SHPRH: variants seen among roughly 807,000 people sequenced by gnomAD.
SHPRH encodes the protein SNF2 histone linker PHD RING helicase.
A neutral mutation model predicts 202.5 loss-of-function variants in SHPRH; 106 were observed. The ratio of observed to expected loss-of-function variants is 0.52; its 90% CI spans 0.45 to 0.62. SHPRH has a LOEUF of 0.62. Ranked by LOEUF, SHPRH falls within the 20% of genes least tolerant of loss-of-function variation. SHPRH has a pLI of 0.00. For synonymous variants in SHPRH, 729 were observed against 686.0 expected, an observed-to-expected ratio of 1.06 and a Z score of -0.98; for missense variants, 1,710 against 2,020.0, an observed-to-expected ratio of 0.85 and a Z score of 2.94.
At chr6:145,923,861 G>A (rs1271167838) in intron 17 of SHPRH, 76 bp from the exon 18 acceptor site, 1 of 1,448,102 alleles carries the variant, frequency 6.9e-7, no homozygotes, top group East Asian at 2.3e-5. Context: ...TGGGCAGGGT[G>A]ATGCCAAAAT....
intron 11 of SHPRH, among the ~76,000 whole-genome samples, 195 bp downstream of exon 11, chr6:145,940,528 T>C (rs777765541): frequency 1.3e-5 from 2 of 152,104 alleles, no homozygotes; most frequent in Non-Finnish European, 2.9e-5. Flanking sequence ...ATATCGGTCC[T>C]CATATACATA....
chr6:145,933,814 T>G (rs928811076), intron 13 of SHPRH, among the ~76,000 whole-genome samples: 4 of 152,174 alleles, frequency 2.6e-5, no homozygotes, highest in African/African-American at 9.7e-5. Flanking sequence ...TGAGTTGCAG[T>G]CTGATTCACA....
At chr6:145,859,306 C>G (rs1779510179), downstream of SHPRH, among the ~76,000 whole-genome samples, 1 of 151,882 alleles carries the variant, frequency 6.6e-6, no homozygotes, top group Admixed American at 6.6e-5. Context: ...TCTAATTGAT[C>G]TGTATTTATT....
chr6:145,879,910 C>CAAAAAAAAAAAA (rs67055862), downstream of SHPRH, among the ~76,000 whole-genome samples: 1 of 61,100 alleles, frequency 1.6e-5, no homozygotes, highest in Non-Finnish European at 2.9e-5. Context: ...AACTCAATCT[C>CAAAAAAAAAAAA]AAAAAAAAAA....
At chr6:145,963,173 T>C (rs1360231328) in intron 1 of SHPRH, among the ~76,000 whole-genome samples, 3 of 152,204 alleles carry the variant, frequency 2.0e-5, no homozygotes, top group African/African-American at 7.2e-5. Flanking sequence ...ACAATACTGC[T>C]CAGGACTGCT....
chr6:145,893,044 TTAAAAAGTTATAAATAAA>T (rs951919388), intron 28 of SHPRH, among the ~76,000 whole-genome samples, 153 bp downstream of exon 28: 1 of 151,668 alleles, frequency 6.6e-6, no homozygotes, highest in African/African-American at 2.4e-5. Context: ...AATTAAATAA[TTAAAAAGTTATAAATAAA>T]TAAGTTATAA....
At chr6:145,940,598 A>C in intron 11 of SHPRH, 125 bp downstream of exon 11, 2 of 864,522 alleles carry the variant, frequency 2.3e-6, no homozygotes, top group Non-Finnish European at 3.5e-6. Flanking sequence ...ATTAGGAGTC[A>C]ACTATAAAGA....
At chr6:145,945,898 A>G (rs1396694040) in intron 7 of SHPRH, among the ~76,000 whole-genome samples, 1 of 152,262 alleles carries the variant, frequency 6.6e-6, no homozygotes, top group African/African-American at 2.4e-5. Context: ...ATTCAAAATT[A>G]TAAAAGAAAA....
At chr6:145,871,679 A>T (rs953661111) in intron 2 of SHPRH, among the ~76,000 whole-genome samples, 1 of 152,230 alleles carries the variant, frequency 6.6e-6, no homozygotes, top group Non-Finnish European at 1.5e-5. Flanking sequence ...CATTCTTCAC[A>T]TAATTAGAAA....
intron 25 of SHPRH, among the ~76,000 whole-genome samples, chr6:145,896,587 C>T (rs907211324): frequency 6.6e-6 from 1 of 152,004 alleles, no homozygotes; most frequent in Non-Finnish European, 1.5e-5. Context: ...TGATCCCTTC[C>T]AACCACTACA....
Position 145,946,465 on chromosome 6 carries a change from G to C in SHPRH, c.1213-124C>G, listed in dbSNP as rs1582800903. The C allele has an allele frequency of 4.6e-6, 3 of 651,318 alleles. No individual in the cohort carries two copies. In the East Asian group the frequency reaches 8.8e-5, roughly 19 times the overall value. The allele number at this position is 651,318 out of a possible 1,614,324, so 40.3% of individuals were successfully genotyped here. A position where few individuals can be genotyped will look rare whatever the true frequency, so the allele number is the denominator to read the frequency against. ...AGTTCTAAAAAAATTGCAAGAGAAAGGGCCAAATAGCTGTAGATACATACA... is the reference window on the plus strand; with the variant it reads ...AGTTCTAAAAAAATTGCAAGAGAAACGGCCAAATAGCTGTAGATACATACA... On this transcript the variant is annotated intron_variant, in intron 6 of 29. Coordinates refer to ENST00000275233, the MANE Select transcript of SHPRH (RefSeq NM_001042683.3).
chr6:145,858,561 T>C, the SHPRH span, among the ~76,000 whole-genome samples: 2 of 151,746 alleles, frequency 1.3e-5, no homozygotes, highest in Non-Finnish European at 2.9e-5. Context: ...GGGGAATGAG[T>C]AGAGGAAAAC....
intron 6 of SHPRH, 25 bp downstream of exon 6, chr6:145,947,468 T>C: frequency 1.2e-6 from 2 of 1,605,358 alleles, no homozygotes; most frequent in Non-Finnish European, 1.7e-6. Flanking sequence ...CCCCTGCTTT[T>C]GCAAGCCCTA....
chr6:145,901,648 T>C (rs758549615), intron 25 of SHPRH, among the ~76,000 whole-genome samples: 18 of 152,110 alleles, frequency 1.2e-4, no homozygotes, highest in Admixed American at 2.0e-4. Context: ...GCTGGAATGT[T>C]ATGCATTAGG....
chr6:145,933,870 T>A (rs534139718), intron 13 of SHPRH, among the ~76,000 whole-genome samples: 2 of 152,228 alleles, frequency 1.3e-5, no homozygotes, highest in African/African-American at 4.8e-5. Flanking sequence ...AATTTCTTAA[T>A]GTTCTCAGAA....
intron 9 of SHPRH, 122 bp downstream of exon 9, chr6:145,943,021 A>G: frequency 8.6e-7 from 1 of 1,159,050 alleles, no homozygotes; most frequent in South Asian, 1.7e-5. Context: ...TTGATTTAAC[A>G]TTACTATTAA....
chr6:145,870,697 C>G (rs1780021052), intron 2 of SHPRH, among the ~76,000 whole-genome samples: 1 of 152,140 alleles, frequency 6.6e-6, no homozygotes, highest in African/African-American at 2.4e-5. Flanking sequence ...TTGAAAAGGA[C>G]TGGTAAGAGG....
In SHPRH at chr6:145,867,599, A is replaced by AATATATATATATAT. The variant is rs374395571; in HGVS notation, c.222-3122_222-3109dup. 2.9e-3 allele frequency among the ~76,000 whole-genome samples: 63 copies of AATATATATATATAT among 21,568 alleles called. 1 individual carries two copies. Among genetic ancestry groups the AATATATATATATAT allele is most frequent in the South Asian group, 5.2e-3 (2 of 386 alleles). 14.1% of individuals were successfully genotyped at this position (21,568 alleles called of 152,430 possible). A position where few individuals can be genotyped will look rare whatever the true frequency, so the allele number is the denominator to read the frequency against. ...GAGTCACACGCTGTCTTCAAAAAAG[A>AATATATATATATAT]ATATATATATATATATATATATATA... On this transcript the variant is annotated intron_variant, in intron 2 of 2. Transcript: ENST00000417762.
intron 2 of SHPRH, among the ~76,000 whole-genome samples, chr6:145,865,476 A>C (rs1272625957): frequency 6.6e-6 from 1 of 152,238 alleles, no homozygotes; most frequent in Non-Finnish European, 1.5e-5. Context: ...TGAATGAACG[A>C]ATAAAATCTA....
Sources: allele counts gnomAD v4.1 joint callset (sites outside exome capture counted in the v4.1 genomes callset), GRCh38; gene constraint gnomAD v4.1.1; transcripts MANE v1.5; gene names NCBI Gene and HGNC (gene_info 2026-07-23, HGNC 2026-07-21).